Variants in ZMYM4 observed in about 807,000 individuals in gnomAD.
ZMYM4 encodes zinc finger MYM-type protein 4.
In ZMYM4, 31 loss-of-function variants were observed where a neutral mutation model predicts 183.2. The observed-to-expected ratio is 0.17, with a 90% CI of 0.13 to 0.23. ZMYM4 has a LOEUF of 0.23. ZMYM4 is among the 10% of genes least tolerant of loss of function. The pLI is 1.00. For synonymous variants in ZMYM4, 592 were observed against 631.2 expected (o/e 0.94, Z 0.93); for missense variants, 1,273 against 1,840.3 (o/e 0.69, Z 5.64).
At chr1:35,344,046 A>G (rs1380253202) in intron 2 of ZMYM4, among the ~76,000 whole-genome samples, 2 of 150,870 alleles carry the variant, frequency 1.3e-5, no homozygotes, top group Admixed American at 1.3e-4. Context: ...ATAAGCATGG[A>G]ATATTTCTTT....
At chr1:35,310,770 G>A (rs902442910) in intron 1 of ZMYM4, among the ~76,000 whole-genome samples, 3 of 151,932 alleles carry the variant, frequency 2.0e-5, no homozygotes, top group Non-Finnish European at 4.4e-5. Flanking sequence ...TAGAGACAAG[G>A]TTTTACCATG....
intron 2 of ZMYM4, 73 bp from the exon 3 acceptor site, chr1:35,358,852 A>C (rs767806334): frequency 3.1e-6 from 4 of 1,279,418 alleles, no homozygotes; most frequent in Non-Finnish European, 3.3e-6. Flanking sequence ...ATTTGGTTAA[A>C]TACCAGACTG....
At chr1:35,290,621 G>A (rs571599032) in intron 1 of ZMYM4, among the ~76,000 whole-genome samples, 1 of 151,764 alleles carries the variant, frequency 6.6e-6, no homozygotes, top group South Asian at 2.1e-4. Context: ...TAGAGATTGG[G>A]GTCTTGCTAT....
In ZMYM4 at chr1:35,390,920, G is replaced by A. The variant is rs145271204; in HGVS notation, c.2587+822G>A. 3.1e-3 allele frequency among the ~76,000 whole-genome samples: 468 copies of A among 152,240 alleles called. 2 individuals carry two copies. Among genetic ancestry groups the A allele is most frequent in the African/African-American group, 0.01 (427 of 41,546 alleles). On this transcript the variant is annotated intron_variant, in intron 15 of 29. Coordinates refer to ENST00000314607, the MANE Select transcript of ZMYM4 (RefSeq NM_005095.3). ...GATGGTTCATGCCTGTAATCCCACC[G>A]CCTTTGGAATGCTGAGGTGGGAGGA...
At chr1:35,306,232 A>G (rs1463066616) in intron 1 of ZMYM4, among the ~76,000 whole-genome samples, 1 of 152,160 alleles carries the variant, frequency 6.6e-6, no homozygotes, top group Admixed American at 6.6e-5. Context: ...GCATCTTTTA[A>G]GTTATTATCT....
chr1:35,299,557 G>C (rs1387355222), intron 1 of ZMYM4, among the ~76,000 whole-genome samples: 1 of 152,158 alleles, frequency 6.6e-6, no homozygotes, highest in Non-Finnish European at 1.5e-5. Flanking sequence ...AGTTACAAAA[G>C]TTATACCCTA....
At chr1:35,348,322 AAC>A (rs1358348687) in intron 2 of ZMYM4, among the ~76,000 whole-genome samples, 2 of 152,222 alleles carry the variant, frequency 1.3e-5, no homozygotes, top group African/African-American at 4.8e-5. Flanking sequence ...AAATTTTTGA[AAC>A]ACTGTTAGAA....
At chr1:35,334,992 T>C (rs953543865) in intron 2 of ZMYM4, among the ~76,000 whole-genome samples, 4 of 152,226 alleles carry the variant, frequency 2.6e-5, no homozygotes, top group African/African-American at 9.6e-5. Flanking sequence ...ATGTAAGATA[T>C]ATTTTATGAA....
At chr1:35,325,095 CATGA>C (rs1302637148) in intron 1 of ZMYM4, among the ~76,000 whole-genome samples, 4 of 151,710 alleles carry the variant, frequency 2.6e-5, no homozygotes, top group Non-Finnish European at 5.9e-5. Flanking sequence ...TCTTTTGTGA[CATGA>C]ATGATTAAAA....
chr1:35,384,988 G>T (rs929162244), intron 9 of ZMYM4, among the ~76,000 whole-genome samples: 2 of 151,656 alleles, frequency 1.3e-5, no homozygotes, highest in Non-Finnish European at 2.9e-5. Context: ...GACTACAGGC[G>T]CCTGCCACTA....
intron 28 of ZMYM4, among the ~76,000 whole-genome samples, chr1:35,418,059 A>G (rs1227085189): frequency 6.6e-6 from 1 of 151,946 alleles, no homozygotes; most frequent in Non-Finnish European, 1.5e-5. Context: ...ACTGTAGGAG[A>G]AAAACATGTG....
chr1:35,301,151 C>T (rs1352852082), intron 1 of ZMYM4, among the ~76,000 whole-genome samples: 1 of 152,156 alleles, frequency 6.6e-6, no homozygotes, highest in Non-Finnish European at 1.5e-5. Flanking sequence ...GTGGTGGCAC[C>T]AGAATAGCTT....
At chr1:35,398,088 T>G (rs1644841147) in intron 20 of ZMYM4, among the ~76,000 whole-genome samples, 1 of 152,178 alleles carries the variant, frequency 6.6e-6, no homozygotes, top group African/African-American at 2.4e-5. Context: ...GGGGGTACTA[T>G]GTATCTCAAA....
Position 35,392,226 on chromosome 1 carries a change from G to A in ZMYM4, c.2602G>A (p.Val868Ile). 6.2e-7 allele frequency: 1 copy of A among 1,614,050 alleles called. No individual in the cohort carries two copies. The highest frequency in any genetic ancestry group is 8.5e-7 in the Non-Finnish European group (1 of 1,180,002). ...ATTTTAATCAGCAAATATTTCCATG[G>A]TTCAAGCTGCTTCAGCAGGACCCCC... ...SQNNAANISM[V>I]QAASAGPPSL... The change falls in exon 16 of 30, where the codon GTT becomes ATT. Residue 868 changes from valine (V) to isoleucine (I), a missense_variant. By Grantham distance (29) the Val-to-Ile change is conservative (BLOSUM62 3). Coordinates refer to ENST00000314607, the MANE Select transcript of ZMYM4 (RefSeq NM_005095.3).
At chr1:35,358,522 A>G (rs78552371) in intron 2 of ZMYM4, among the ~76,000 whole-genome samples, 2,882 of 152,224 alleles carry the variant, frequency 0.019, 39 homozygotes, top group Non-Finnish European at 0.031. Flanking sequence ...TTTTGTACAT[A>G]CTATCACTAA....
chr1:35,360,735 C>T (rs1643916490), intron 3 of ZMYM4, among the ~76,000 whole-genome samples: 1 of 151,922 alleles, frequency 6.6e-6, no homozygotes, highest in Non-Finnish European at 1.5e-5. Context: ...AGATGTCTTT[C>T]AAATAACTGA....
chr1:35,300,697 T>G (rs1014171530), intron 1 of ZMYM4, among the ~76,000 whole-genome samples: 8 of 152,216 alleles, frequency 5.3e-5, no homozygotes, highest in Non-Finnish European at 1.2e-4. Context: ...CTGTGTAATT[T>G]TCATCTTAGA....
intron 1 of ZMYM4, among the ~76,000 whole-genome samples, chr1:35,311,145 C>T (rs1641777566): frequency 6.6e-6 from 1 of 152,058 alleles, no homozygotes; most frequent in Non-Finnish European, 1.5e-5. Context: ...GAAGGCCAGG[C>T]ATTGTGGCTC....
intron 7 of ZMYM4, among the ~76,000 whole-genome samples, chr1:35,377,029 C>T (rs921076583): frequency 6.6e-6 from 1 of 152,060 alleles, no homozygotes; most frequent in Non-Finnish European, 1.5e-5. Flanking sequence ...GCCTCAGCTT[C>T]CCGAGTAGCT....
Sources: gnomAD v4.1 joint callset for allele counts (sites outside exome capture counted in the v4.1 genomes callset) on GRCh38, gnomAD v4.1.1 for gene constraint, MANE v1.5 for transcripts, NCBI Gene and HGNC (gene_info 2026-07-23, HGNC 2026-07-21) for gene names.